The following GRIK4 variants were observed in gnomAD, a reference collection of about 807,000 sequenced individuals.
The protein encoded by GRIK4 is glutamate receptor ionotropic, kainate 4.
A neutral mutation model predicts 104.9 loss-of-function variants in GRIK4; 40 were observed. The ratio of observed to expected loss-of-function variants is 0.38; its 90% CI spans 0.30 to 0.50. GRIK4 has a LOEUF of 0.50. Ranked by LOEUF, GRIK4 falls within the 20% of genes least tolerant of loss-of-function variation. The pLI is 0.93. For missense variants in GRIK4, 1,047 were observed against 1,308.1 expected, an observed-to-expected ratio of 0.80 and a Z score of 3.08; for synonymous variants, 485 against 524.9, an observed-to-expected ratio of 0.92 and a Z score of 1.04.
At chr11:120,638,930 A>G (rs1156230712) in intron 1 of GRIK4, among the ~76,000 whole-genome samples, 2 of 151,908 alleles carry the variant, frequency 1.3e-5, no homozygotes, top group Admixed American at 6.6e-5. Context: ...CCCACGCCTG[A>G]TCATGCCTGT....
chr11:120,546,709 G>A (rs938532329), intron 1 of GRIK4, among the ~76,000 whole-genome samples: 3 of 152,150 alleles, frequency 2.0e-5, no homozygotes, highest in African/African-American at 7.2e-5. Context: ...TCCCTCATTA[G>A]CCTTGAGTTA....
chr11:120,954,522 G>A (rs1944088067), intron 15 of GRIK4, among the ~76,000 whole-genome samples: 1 of 152,108 alleles, frequency 6.6e-6, no homozygotes, highest in Non-Finnish European at 1.5e-5. Flanking sequence ...CCCCTTGGAT[G>A]TGAGCCCTTG....
chr11:120,929,023 A>G (rs2850803), intron 13 of GRIK4, among the ~76,000 whole-genome samples: 38,513 of 89,520 alleles, frequency 0.43, 5,896 homozygotes, highest in East Asian at 0.58. Flanking sequence ...GTGTGCGCAC[A>G]TGTGTGTGTG....
chr11:120,525,046 C>T lies in GRIK4; in HGVS notation c.-159+13159C>T, dbSNP rs543612369. Among the ~76,000 whole-genome samples, 7 of 152,296 alleles carry T rather than the reference C, an allele frequency of 4.6e-5. No homozygotes were observed. The South Asian group carries it at 1.5e-3, about 32-fold the overall frequency. On this transcript the variant is annotated intron_variant, in intron 1 of 20. Transcript: ENST00000527524. ...GCTGGACAGGCTTCCCCTTCTTACCCTTCTCAGTGGATCCATGATGCCTGC... is the reference window on the plus strand; with the variant it reads ...GCTGGACAGGCTTCCCCTTCTTACCTTTCTCAGTGGATCCATGATGCCTGC...
At chr11:120,892,818 G>C (rs1008081172) in intron 11 of GRIK4, among the ~76,000 whole-genome samples, 2 of 152,166 alleles carry the variant, frequency 1.3e-5, no homozygotes, top group African/African-American at 4.8e-5. Context: ...CTACAACCCT[G>C]TGGCCCTATC....
chr11:120,909,309 A>C (rs1942940860), intron 13 of GRIK4, among the ~76,000 whole-genome samples: 1 of 152,258 alleles, frequency 6.6e-6, no homozygotes, highest in African/African-American at 2.4e-5. Flanking sequence ...TGATTATCTT[A>C]GGGACACCAG....
chr11:120,745,499 C>A (rs1340271330), intron 3 of GRIK4, among the ~76,000 whole-genome samples: 1 of 152,164 alleles, frequency 6.6e-6, no homozygotes, highest in Admixed American at 6.5e-5. Flanking sequence ...CTAACCTTTC[C>A]CCTTTAGGTG....
In GRIK4 at chr11:120,826,148, G is replaced by A. The variant is rs115996109; in HGVS notation, c.512-5704G>A. 3.4e-3 allele frequency among the ~76,000 whole-genome samples: 516 copies of A among 152,214 alleles called. 5 individuals carry two copies. Among genetic ancestry groups the A allele is most frequent in the African/African-American group, 0.012 (484 of 41,536 alleles). On this transcript the variant is annotated intron_variant, in intron 6 of 20. Coordinates refer to ENST00000527524, the MANE Select transcript of GRIK4 (RefSeq NM_014619.5). ...TTAAACCGTATAACTCATGATAACC[G>A]TATAAGATGGGCTCTATCAACATTC...
At chr11:120,557,165 T>C (rs1055891244) in intron 1 of GRIK4, among the ~76,000 whole-genome samples, 5 of 152,198 alleles carry the variant, frequency 3.3e-5, no homozygotes, top group African/African-American at 4.8e-5. Flanking sequence ...TGTCTTTCTC[T>C]TGTGGCTCCA....
At chr11:120,872,649 T>A (rs1021489357) in intron 9 of GRIK4, 2 of 153,720 alleles carry the variant, frequency 1.3e-5, no homozygotes, top group Non-Finnish European at 1.4e-5. Context: ...CTTCTAGCCC[T>A]GTAACACCAC....
chr11:120,885,623 C>T (rs1955096859), intron 11 of GRIK4, among the ~76,000 whole-genome samples: 1 of 152,108 alleles, frequency 6.6e-6, no homozygotes, highest in African/African-American at 2.4e-5. Flanking sequence ...GACCTCAGGT[C>T]ACCTGCCCGC....
intron 3 of GRIK4, among the ~76,000 whole-genome samples, chr11:120,720,560 G>A (rs1055050418): frequency 6.6e-6 from 1 of 152,098 alleles, no homozygotes; most frequent in Non-Finnish European, 1.5e-5. Context: ...GATTAGCTCA[G>A]GACTGAAAGG....
intron 9 of GRIK4, chr11:120,873,432 G>A (rs547014142): frequency 3.3e-5 from 5 of 152,430 alleles, no homozygotes; most frequent in South Asian, 4.1e-4. Flanking sequence ...ACCACACTCT[G>A]TCTCATGTTC....
At chr11:120,920,924 G>T (rs951505166) in intron 13 of GRIK4, among the ~76,000 whole-genome samples, 4 of 152,116 alleles carry the variant, frequency 2.6e-5, no homozygotes, top group Non-Finnish European at 5.9e-5. Flanking sequence ...CCCCTCAAGT[G>T]CCCCACACTC....
chr11:120,712,722 T>G (rs964288057), intron 3 of GRIK4, among the ~76,000 whole-genome samples: 4 of 152,264 alleles, frequency 2.6e-5, no homozygotes, highest in African/African-American at 9.6e-5. Context: ...AATCTCAGCC[T>G]TATCACTCCC....
chr11:120,516,292 CCTGGCAGGAG>C (rs1358657325), intron 1 of GRIK4, among the ~76,000 whole-genome samples: 1 of 152,044 alleles, frequency 6.6e-6, no homozygotes, highest in Admixed American at 6.6e-5. Flanking sequence ...AGCATTCAGA[CCTGGCAGGAG>C]CTGGCAGGGG....
At position 120,598,088 on chromosome 11, in the gene GRIK4, C is replaced by T. The variant is rs1948829617; in HGVS notation, c.-158-55597C>T. ...TTCCCCTCCTGCGCTCCCTTGGCCT[C>T]GCAGTTGGAGCTGGTCTGGGCCCCT... On this transcript the variant is annotated intron_variant, in intron 1 of 20. Coordinates refer to ENST00000527524, the MANE Select transcript of GRIK4 (RefSeq NM_014619.5). 2.0e-5 allele frequency among the ~76,000 whole-genome samples: 3 copies of T among 152,178 alleles called. No individual in the cohort carries two copies. In the South Asian group the frequency reaches 6.2e-4, roughly 31 times the overall value.
intron 9 of GRIK4, chr11:120,871,380 C>A (rs1954605234): frequency 2.9e-6 from 1 of 340,430 alleles, no homozygotes; most frequent in Non-Finnish European, 5.8e-6. Context: ...GCATTCATTA[C>A]CATGCAGGGC....
At chr11:120,790,758 G>A (rs938587741) in intron 3 of GRIK4, among the ~76,000 whole-genome samples, 7 of 152,126 alleles carry the variant, frequency 4.6e-5, no homozygotes, top group East Asian at 1.9e-4. Flanking sequence ...AAGGAGTGGC[G>A]GCAGTGGGAA....
Sources: allele counts gnomAD v4.1 joint callset (sites outside exome capture counted in the v4.1 genomes callset), GRCh38; gene constraint gnomAD v4.1.1; transcripts MANE v1.5; gene names NCBI Gene and HGNC (gene_info 2026-07-23, HGNC 2026-07-21).